PRKG1: variants seen among roughly 807,000 people sequenced by gnomAD.
PRKG1 encodes the protein cGMP-dependent protein kinase 1.
PRKG1 carries 35 observed loss-of-function variants against 88.1 expected under a neutral mutation model. The observed-to-expected ratio is 0.40, with a 90% confidence interval of 0.30 to 0.53. PRKG1 has a LOEUF of 0.53. PRKG1 is among the 20% of genes least tolerant of loss of function. The pLI, the probability that PRKG1 is intolerant of heterozygous loss-of-function variation, is 0.59. For missense variants in PRKG1, 540 were observed against 839.8 expected (o/e 0.64, Z 4.41); for synonymous variants, 303 against 292.5 (o/e 1.04, Z -0.37).
intron 5 of PRKG1, among the ~76,000 whole-genome samples, chr10:51,980,698 G>C (rs1259179457): frequency 6.6e-6 from 1 of 152,106 alleles, no homozygotes. Flanking sequence ...AGGATAGTTA[G>C]GTCTTCTTGT....
intron 3 of PRKG1, among the ~76,000 whole-genome samples, chr10:51,726,022 A>G (rs1842122666): frequency 6.6e-6 from 1 of 152,222 alleles, no homozygotes; most frequent in Admixed American, 6.5e-5. Flanking sequence ...AAGAAAATAA[A>G]CAAACAGCTA....
rs57569437 is a variant in PRKG1, at chr10:51,932,094, A to G, written c.762+24524A>G. Among the ~76,000 whole-genome samples the G allele has an allele frequency of 1.8e-4, 27 of 152,268 alleles. No individual in the cohort carries two copies. In the East Asian group the frequency reaches 3.3e-3, roughly 19 times the overall value. On this transcript the variant is annotated intron_variant, in intron 5 of 17. Transcript: ENST00000373980. ...GGATAATTTTTGTTAATGTAACATT[A>G]TAAATCACTTAGTCTTATAAATATT... is the stretch of plus-strand genomic sequence containing the variant.
At chr10:52,139,272 A>G (rs1372485966) in intron 8 of PRKG1, among the ~76,000 whole-genome samples, 1 of 152,140 alleles carries the variant, frequency 6.6e-6, no homozygotes, top group Non-Finnish European at 1.5e-5. Flanking sequence ...TGGTGTCTGT[A>G]TTAAAATGGT....
chr10:51,444,074 A>G (rs1357605187), intron 2 of PRKG1, among the ~76,000 whole-genome samples: 1 of 151,736 alleles, frequency 6.6e-6, no homozygotes, highest in Non-Finnish European at 1.5e-5. Flanking sequence ...ATAAAGAACC[A>G]TGATCAGAGG....
chr10:52,150,978 T>C (rs1837896903), intron 8 of PRKG1, among the ~76,000 whole-genome samples: 1 of 151,488 alleles, frequency 6.6e-6, no homozygotes, highest in Admixed American at 6.6e-5. Flanking sequence ...TTGTTTTTAA[T>C]AAATATGGCC....
intron 3 of PRKG1, among the ~76,000 whole-genome samples, chr10:51,689,889 C>T (rs1841092080): frequency 6.6e-6 from 1 of 152,080 alleles, no homozygotes; most frequent in South Asian, 2.1e-4. Flanking sequence ...AGTAAGGGGC[C>T]AACGGTAGTG....
At position 52,212,957 on chromosome 10, in the gene PRKG1, G is replaced by A. The variant is rs1009233950; in HGVS notation, c.1077-38613G>A. Among the ~76,000 whole-genome samples the A allele has an allele frequency of 3.9e-5, 6 of 152,110 alleles. No homozygotes were observed. The South Asian group carries it at 6.2e-4, about 16-fold the overall frequency. On this transcript the variant is annotated intron_variant, in intron 9 of 17. Transcript: ENST00000373980. ...GTCATAACAAGTTAGATATACATGG[G>A]AAAGTTCAGCAACTCTCAAAGTGCT...
chr10:51,544,894 A>T (rs1256659659), intron 3 of PRKG1, among the ~76,000 whole-genome samples: 1 of 152,192 alleles, frequency 6.6e-6, no homozygotes, highest in Admixed American at 6.5e-5. Flanking sequence ...GACACTTCTC[A>T]AAAGAAGACA....
At chr10:52,227,108 C>A (rs1396355232) in intron 9 of PRKG1, among the ~76,000 whole-genome samples, 1 of 152,084 alleles carries the variant, frequency 6.6e-6, no homozygotes, top group Non-Finnish European at 1.5e-5. Flanking sequence ...TTATCATAAT[C>A]AAAGCAAGAC....
chr10:51,285,309 G>GT (rs986245212), intron 2 of PRKG1, among the ~76,000 whole-genome samples: 1 of 151,932 alleles, frequency 6.6e-6, no homozygotes, highest in Non-Finnish European at 1.5e-5. Flanking sequence ...AAACATTATT[G>GT]TTTTTTAGCA....
intron 3 of PRKG1, among the ~76,000 whole-genome samples, chr10:51,625,198 C>T (rs1839304513): frequency 6.6e-6 from 1 of 152,112 alleles, no homozygotes; most frequent in African/African-American, 2.4e-5. Flanking sequence ...AAAAAATAGG[C>T]CAGGCATGGT....
intron 1 of PRKG1, among the ~76,000 whole-genome samples, chr10:51,024,595 A>G (rs1405645725): frequency 6.6e-6 from 1 of 152,192 alleles, no homozygotes; most frequent in Non-Finnish European, 1.5e-5. Context: ...TCACACTGCT[A>G]TTGCTATAAA....
chr10:51,897,054 G>A (rs572654165), intron 4 of PRKG1, among the ~76,000 whole-genome samples: 16 of 152,294 alleles, frequency 1.1e-4, no homozygotes, highest in Non-Finnish European at 2.2e-4. Flanking sequence ...AAGAAACTAA[G>A]AGAAGAAAGA....
At chr10:51,741,788 T>G (rs1837441581) in intron 3 of PRKG1, among the ~76,000 whole-genome samples, 1 of 152,190 alleles carries the variant, frequency 6.6e-6, no homozygotes, top group Non-Finnish European at 1.5e-5. Flanking sequence ...CGCATTTACC[T>G]GTAACCCCAG....
chr10:51,021,496 A>G (rs977443828), intron 1 of PRKG1, among the ~76,000 whole-genome samples: 5 of 152,194 alleles, frequency 3.3e-5, no homozygotes, highest in Non-Finnish European at 7.3e-5. Flanking sequence ...TCATCAGTTA[A>G]TAATTCTGAC....
At chr10:51,105,031 T>C (rs1054902838) in intron 1 of PRKG1, among the ~76,000 whole-genome samples, 17 of 151,876 alleles carry the variant, frequency 1.1e-4, no homozygotes, top group African/African-American at 4.1e-4. Flanking sequence ...CACCCAGCCC[T>C]GGCTAATTTT....
chr10:51,828,927 G>A (rs114935429), intron 4 of PRKG1, among the ~76,000 whole-genome samples: 67 of 152,276 alleles, frequency 4.4e-4, no homozygotes, highest in African/African-American at 1.5e-3. Context: ...ACACCAAAAC[G>A]TACTGGTTTA....
intron 8 of PRKG1, among the ~76,000 whole-genome samples, chr10:52,137,918 T>C (rs969825006): frequency 6.6e-6 from 1 of 152,148 alleles, no homozygotes; most frequent in Admixed American, 6.6e-5. Flanking sequence ...TCTATTAAGA[T>C]AATTGATTTT....
chr10:52,017,991 ACACT>A (rs549449911), intron 5 of PRKG1, among the ~76,000 whole-genome samples: 107 of 152,276 alleles, frequency 7.0e-4, no homozygotes, highest in African/African-American at 2.5e-3. Flanking sequence ...TGGGCTGGAG[ACACT>A]CACATTAATA....
Sources: allele counts gnomAD v4.1 joint callset (sites outside exome capture counted in the v4.1 genomes callset), GRCh38; gene constraint gnomAD v4.1.1; transcripts MANE v1.5; gene names NCBI Gene and HGNC (gene_info 2026-07-23, HGNC 2026-07-21).